The following NR3C2 variants were observed in gnomAD, a reference collection of about 807,000 sequenced individuals.
NR3C2 encodes the protein mineralocorticoid receptor.
A neutral mutation model predicts 86.4 loss-of-function variants in NR3C2; 15 were observed. That is an observed-to-expected ratio of 0.17 (90% confidence interval 0.12 to 0.27). The LOEUF (loss-of-function observed/expected upper bound fraction) is 0.27. NR3C2 is among the 10% of genes least tolerant of loss of function. The pLI is 1.00. For synonymous variants in NR3C2, 458 were observed against 450.5 expected, an observed-to-expected ratio of 1.02 and a Z score of -0.21; for missense variants, 960 against 1,195.6, an observed-to-expected ratio of 0.80 and a Z score of 2.91.
chr4:148,157,871 C>T lies in NR3C2; in HGVS notation c.2015-2970G>A, dbSNP rs551274254. 4.5e-4 allele frequency among the ~76,000 whole-genome samples: 68 copies of T among 152,158 alleles called. 2 individuals are homozygous for T. The South Asian group carries it at 0.012, about 28-fold the overall frequency. ...TAATTATAGCCATTAATGTTTATCA[C>T]GTTCATCACAGAAAATCTTACAATT... On this transcript the variant is annotated intron_variant, in intron 4 of 8. Coordinates refer to ENST00000358102, the MANE Select transcript of NR3C2 (RefSeq NM_000901.5).
chr4:148,310,571 G>T (rs768935176), intron 2 of NR3C2, among the ~76,000 whole-genome samples: 2 of 152,090 alleles, frequency 1.3e-5, no homozygotes, highest in African/African-American at 2.4e-5. Context: ...TACCTGCTGG[G>T]CCTGTGTATT....
chr4:148,177,940 A>G (rs1735452472), intron 4 of NR3C2, among the ~76,000 whole-genome samples: 1 of 152,224 alleles, frequency 6.6e-6, no homozygotes, highest in South Asian at 2.1e-4. Flanking sequence ...ATTAATTAGT[A>G]ATTTTTTAAA....
intron 2 of NR3C2, among the ~76,000 whole-genome samples, chr4:148,305,407 A>G (rs1340147849): frequency 1.3e-5 from 2 of 152,158 alleles, no homozygotes; most frequent in East Asian, 3.8e-4. Flanking sequence ...AGAGTATTTT[A>G]GAGGGGACTC....
intron 4 of NR3C2, among the ~76,000 whole-genome samples, chr4:148,164,919 T>A (rs1734814674): frequency 6.6e-6 from 1 of 152,142 alleles, no homozygotes; most frequent in African/African-American, 2.4e-5. Flanking sequence ...AAATAACTAG[T>A]TAAACGCTGG....
At chr4:148,223,418 C>T (rs1236394541) in intron 3 of NR3C2, among the ~76,000 whole-genome samples, 1 of 152,190 alleles carries the variant, frequency 6.6e-6, no homozygotes, top group Non-Finnish European at 1.5e-5. Context: ...TGGCTGAGCA[C>T]ACAGACTGTG....
Position 148,088,714 on chromosome 4 carries a change from G to C in NR3C2, c.2800-7215C>G, listed in dbSNP as rs1465504756. ...GAACATCACACACTGGGGCCTGTTG[G>C]AGGGTGGGGGGCTAGGGGAGGGATG... On this transcript the variant is annotated intron_variant, in intron 8 of 8. Coordinates refer to ENST00000358102, the MANE Select transcript of NR3C2 (RefSeq NM_000901.5). Among the ~76,000 whole-genome samples, 10 of 151,726 alleles carry C rather than the reference G, an allele frequency of 6.6e-5. No homozygotes were observed. The South Asian group carries it at 1.5e-3, about 22-fold the overall frequency.
intron 2 of NR3C2, among the ~76,000 whole-genome samples, chr4:148,380,429 G>A (rs1486642810): frequency 7.2e-5 from 11 of 152,160 alleles, no homozygotes; most frequent in Admixed American, 7.2e-4. Flanking sequence ...GAACATTCGT[G>A]TGCAAGTTCT....
chr4:148,177,215 C>G (rs1735417940), intron 4 of NR3C2, among the ~76,000 whole-genome samples: 1 of 152,168 alleles, frequency 6.6e-6, no homozygotes, highest in Non-Finnish European at 1.5e-5. Context: ...CTTTATTAAT[C>G]ATGGTAATGA....
chr4:148,375,435 G>A (rs994765851), intron 2 of NR3C2, among the ~76,000 whole-genome samples: 8 of 149,368 alleles, frequency 5.4e-5, no homozygotes, highest in Admixed American at 1.3e-4. Context: ...TGGCCTGGGC[G>A]ACAGAGCAAG....
intron 4 of NR3C2, among the ~76,000 whole-genome samples, chr4:148,171,516 C>T (rs1334772321): frequency 6.6e-6 from 1 of 152,190 alleles, no homozygotes; most frequent in Admixed American, 6.5e-5. Flanking sequence ...AACTGTTCCA[C>T]CTCAGATCAT....
Position 148,371,525 on chromosome 4 carries a change from C to A in NR3C2, c.1757+63579G>T, listed in dbSNP as rs180821795. On this transcript the variant is annotated intron_variant, in intron 2 of 8. Coordinates refer to ENST00000358102, the MANE Select transcript of NR3C2 (RefSeq NM_000901.5). The stretch of plus-strand genomic sequence containing the variant: ...GACATTACAACACTTAATTAAATAA[C>A]CATATCCCATGTTATTGAAAGTGAA... 7.4e-4 allele frequency among the ~76,000 whole-genome samples: 112 copies of A among 152,052 alleles called. 1 individual carries two copies. Among genetic ancestry groups the A allele is most frequent in the African/African-American group, 2.7e-3 (111 of 41,458 alleles).
intron 4 of NR3C2, among the ~76,000 whole-genome samples, chr4:148,184,700 AT>A (rs1735810424): frequency 6.6e-6 from 1 of 152,148 alleles, no homozygotes; most frequent in African/African-American, 2.4e-5. Context: ...TATAAAATAG[AT>A]TGAGTTTACT....
chr4:148,206,916 G>A (rs1218740852), intron 3 of NR3C2, among the ~76,000 whole-genome samples: 2 of 151,938 alleles, frequency 1.3e-5, no homozygotes, highest in African/African-American at 4.8e-5. Flanking sequence ...TATGTTTAAT[G>A]TTTATGATAA....
At position 148,154,905 on chromosome 4, in the gene NR3C2, T is replaced by C. The variant is rs1318505832; in HGVS notation, c.2015-4A>G. On this transcript the variant is annotated splice_polypyrimidine_tract_variant and splice_region_variant and intron_variant, in intron 4 of 8. Transcript: ENST00000358102. ...CCCAACTTCTTTGACTTTCGTGCTA[T>C]AAGAAACCATAAATGATAAGGCCAA... The C allele has an allele frequency of 8.4e-6, 13 of 1,550,554 alleles. No homozygotes were observed. The highest frequency in any genetic ancestry group is 1.1e-5 in the Non-Finnish European group (13 of 1,146,834).
rs549491812 is a variant in NR3C2, at chr4:148,374,253, T to C, written c.1757+60851A>G. On this transcript the variant is annotated intron_variant, in intron 2 of 8. Coordinates refer to ENST00000358102, the MANE Select transcript of NR3C2 (RefSeq NM_000901.5). ...ACTCTACACCTACATTCTTTGAATA[T>C]AAATTAAATATTCACTACATTAGAA... is the stretch of plus-strand genomic sequence containing the variant. 2.8e-3 allele frequency among the ~76,000 whole-genome samples: 425 copies of C among 152,336 alleles called. 2 individuals are homozygous for C. The highest frequency in any genetic ancestry group is 9.8e-3 in the African/African-American group (409 of 41,580).
chr4:148,408,397 G>T (rs1382313266), intron 2 of NR3C2, among the ~76,000 whole-genome samples: 1 of 152,144 alleles, frequency 6.6e-6, no homozygotes, highest in African/African-American at 2.4e-5. Context: ...TGACTATAGA[G>T]GTAGGTTCTC....
chr4:148,332,478 T>C (rs1488048621), intron 2 of NR3C2, among the ~76,000 whole-genome samples: 1 of 152,224 alleles, frequency 6.6e-6, no homozygotes, highest in African/African-American at 2.4e-5. Context: ...CTCCCATTTA[T>C]CAAGTTTGGG....
intron 2 of NR3C2, among the ~76,000 whole-genome samples, chr4:148,413,127 T>C (rs1428095592): frequency 1.3e-5 from 2 of 152,202 alleles, no homozygotes; most frequent in Non-Finnish European, 2.9e-5. Context: ...CCAACTTCTG[T>C]ATTTTACCTA....
chr4:148,147,298 CA>C (rs1469953154), intron 6 of NR3C2, among the ~76,000 whole-genome samples: 1 of 152,132 alleles, frequency 6.6e-6, no homozygotes, highest in Non-Finnish European at 1.5e-5. Flanking sequence ...AAGGCAAACC[CA>C]AAGTTTTGTT....
Sources: gnomAD v4.1 joint callset for allele counts (sites outside exome capture counted in the v4.1 genomes callset) on GRCh38, gnomAD v4.1.1 for gene constraint, MANE v1.5 for transcripts, NCBI Gene and HGNC (gene_info 2026-07-23, HGNC 2026-07-21) for gene names.